CACNB4: variants seen among roughly 807,000 people sequenced by gnomAD.
CACNB4 encodes the protein calcium voltage-gated channel auxiliary subunit beta 4.
A neutral mutation model predicts 71.2 loss-of-function variants in CACNB4; 32 were observed. The observed-to-expected ratio is 0.45, with a 90% CI of 0.34 to 0.60. The LOEUF (loss-of-function observed/expected upper bound fraction) is 0.60, where lower values mean the gene tolerates loss of function less well. CACNB4 is among the 20% of genes least tolerant of loss of function. The pLI is 0.01. For missense variants in CACNB4, 464 were observed against 647.9 expected, an observed-to-expected ratio of 0.72 and a Z score of 3.08; for synonymous variants, 231 against 236.9, an observed-to-expected ratio of 0.97 and a Z score of 0.23.
intron 2 of CACNB4, among the ~76,000 whole-genome samples, chr2:152,081,952 G>C (rs775911488): frequency 2.0e-5 from 3 of 152,160 alleles, no homozygotes; most frequent in Non-Finnish European, 4.4e-5. Flanking sequence ...CAACCTTGTG[G>C]TTCCACTCAC....
intron 2 of CACNB4, among the ~76,000 whole-genome samples, chr2:151,985,675 C>CT (rs11329675): frequency 0.1 from 14,734 of 142,038 alleles, 1,026 homozygotes; most frequent in East Asian, 0.28. Flanking sequence ...CCTTAATTTT[C>CT]TTTTTTTTTT....
intron 2 of CACNB4, among the ~76,000 whole-genome samples, chr2:151,915,047 G>A (rs1044591722): frequency 2.6e-5 from 4 of 152,180 alleles, no homozygotes; most frequent in African/African-American, 9.7e-5. Context: ...ACTCATCTGG[G>A]CTACCCAGAT....
At chr2:151,871,533 C>A (rs1031252001) in intron 6 of CACNB4, 2 of 152,330 alleles carry the variant, frequency 1.3e-5, no homozygotes, top group African/African-American at 2.4e-5. Flanking sequence ...TGATTTAAAG[C>A]GATTCTGTGG....
intron 2 of CACNB4, among the ~76,000 whole-genome samples, chr2:151,992,417 T>G (rs1230210926): frequency 2.0e-5 from 3 of 152,244 alleles, no homozygotes; most frequent in Non-Finnish European, 4.4e-5. Context: ...GTATTATTAG[T>G]TTATCTTACA....
rs748129851 is a variant in CACNB4 at position 151,860,865 on chromosome 2, T to C, written c.759-45A>G. On this transcript the variant is annotated intron_variant, in intron 9 of 13. Coordinates refer to ENST00000539935, the MANE Select transcript of CACNB4 (RefSeq NM_000726.5). Reference sequence around the variant, plus strand: ...ACAGAACAAGCCAGTAAAAATGTTATGGGGCTCTCCAAGTGATTTATAACC... The same window carrying C: ...ACAGAACAAGCCAGTAAAAATGTTACGGGGCTCTCCAAGTGATTTATAACC... 31 of 1,248,320 alleles carry C rather than the reference T, an allele frequency of 2.5e-5. No homozygotes were observed. In the Middle Eastern group the frequency reaches 1.1e-3, roughly 44 times the overall value. 77.3% of individuals were successfully genotyped at this position (1,248,320 alleles called of 1,614,324 possible). A position where few individuals can be genotyped will look rare whatever the true frequency, so the allele number is the denominator to read the frequency against.
rs1301141097 is a variant in CACNB4, at chr2:152,017,875, C to A, written c.147+80455G>T. ...TTTTATGGAATTTCGCTCTTTTGCCCAGGCTGGAGTGCAATGGCATGGTCT... is the reference window on the plus strand; with the variant it reads ...TTTTATGGAATTTCGCTCTTTTGCCAAGGCTGGAGTGCAATGGCATGGTCT... On this transcript the variant is annotated intron_variant, in intron 2 of 13. Transcript: ENST00000539935. 2.6e-5 allele frequency among the ~76,000 whole-genome samples: 4 copies of A among 151,498 alleles called. No homozygotes were observed. The East Asian group carries it at 7.8e-4, about 29-fold the overall frequency.
intron 2 of CACNB4, among the ~76,000 whole-genome samples, chr2:152,002,973 G>T (rs574575481): frequency 2.6e-5 from 4 of 152,308 alleles, no homozygotes; most frequent in African/African-American, 9.6e-5. Flanking sequence ...ATTAGGTTCT[G>T]CATTTTTAAA....
At chr2:152,051,288 T>A (rs1252853026) in intron 2 of CACNB4, among the ~76,000 whole-genome samples, 1 of 152,180 alleles carries the variant, frequency 6.6e-6, no homozygotes, top group East Asian at 1.9e-4. Context: ...ATAATTCACA[T>A]ACCATTCAAT....
At chr2:151,973,357 A>T (rs2099873133) in intron 2 of CACNB4, 2 of 324,872 alleles carry the variant, frequency 6.2e-6, no homozygotes, top group African/African-American at 4.2e-5. Flanking sequence ...CATAGTTTAA[A>T]CCAGTCTGCA....
Position 151,992,029 on chromosome 2 carries a change from G to A in CACNB4, c.147+106301C>T, listed in dbSNP as rs567798383. ...GCGAGAGTAAAATGCTCTCCAGAAT[G>A]GCCCCCCTGAAGGACAATGAGCTAG... On this transcript the variant is annotated intron_variant, in intron 2 of 13. Coordinates refer to ENST00000539935, the MANE Select transcript of CACNB4 (RefSeq NM_000726.5). Among the ~76,000 whole-genome samples the A allele has an allele frequency of 8.5e-5, 13 of 152,308 alleles. No individual in the cohort carries two copies. In the East Asian group the frequency reaches 2.5e-3, roughly 29 times the overall value.
At chr2:152,050,616 T>A (rs1685374213) in intron 2 of CACNB4, among the ~76,000 whole-genome samples, 1 of 152,118 alleles carries the variant, frequency 6.6e-6, no homozygotes, top group Non-Finnish European at 1.5e-5. Flanking sequence ...TTTGGGAAGC[T>A]GAGGTAGGAG....
At chr2:151,859,293 T>A (rs971596931) in intron 10 of CACNB4, 1 of 152,212 alleles carries the variant, frequency 6.6e-6, no homozygotes, top group Non-Finnish European at 1.5e-5. Flanking sequence ...AAGGAATGAC[T>A]TCAGTGAATA....
intron 9 of CACNB4, among the ~76,000 whole-genome samples, chr2:151,864,068 T>C (rs1363628430): frequency 6.6e-6 from 1 of 152,224 alleles, no homozygotes; most frequent in East Asian, 1.9e-4. Context: ...TTTTTTTAAC[T>C]TAAAGTGGTA....
intron 2 of CACNB4, among the ~76,000 whole-genome samples, chr2:151,891,475 T>C (rs572134093): frequency 5.9e-5 from 9 of 152,308 alleles, no homozygotes; most frequent in African/African-American, 2.2e-4. Flanking sequence ...AATCATGAAA[T>C]TGCAAACATT....
At chr2:151,939,273 G>A (rs1372333863) in intron 2 of CACNB4, among the ~76,000 whole-genome samples, 1 of 152,200 alleles carries the variant, frequency 6.6e-6, no homozygotes, top group South Asian at 2.1e-4. Context: ...AGCTTTGAAA[G>A]CCAAAATGCT....
At chr2:151,994,680 C>T (rs73013211) in intron 2 of CACNB4, among the ~76,000 whole-genome samples, 7,225 of 152,280 alleles carry the variant, frequency 0.047, 554 homozygotes, top group African/African-American at 0.17. Context: ...CTACAGGCTG[C>T]CTCATAGGCT....
chr2:151,945,789 G>A (rs1320608242), intron 2 of CACNB4, among the ~76,000 whole-genome samples: 3 of 151,640 alleles, frequency 2.0e-5, no homozygotes, highest in South Asian at 2.1e-4. Flanking sequence ...CTTAGGAGGC[G>A]GGAGCTGAGC....
At chr2:151,936,545 T>C (rs2099862963) in intron 2 of CACNB4, 1 of 152,222 alleles carries the variant, frequency 6.6e-6, no homozygotes, top group African/African-American at 2.4e-5. Flanking sequence ...TTGCTGAAAA[T>C]GAAATCATGT....
chr2:152,047,985 G>A (rs941602637), intron 2 of CACNB4, among the ~76,000 whole-genome samples: 6 of 152,194 alleles, frequency 3.9e-5, no homozygotes, highest in Admixed American at 6.5e-5. Context: ...TCAATTCTCT[G>A]TTTGGCACCC....
Sources: gnomAD v4.1 joint callset for allele counts (sites outside exome capture counted in the v4.1 genomes callset) on GRCh38, gnomAD v4.1.1 for gene constraint, MANE v1.5 for transcripts, NCBI Gene and HGNC (gene_info 2026-07-23, HGNC 2026-07-21) for gene names.